The following CNTN5 variants were observed in gnomAD, a reference collection of about 807,000 sequenced individuals.
CNTN5 encodes contactin 5.
In CNTN5, 77 loss-of-function variants were observed where a neutral mutation model predicts 129.1. The ratio of observed to expected loss-of-function variants is 0.60; its 90% CI spans 0.50 to 0.72. CNTN5 has a LOEUF of 0.72. Among genes scored for constraint, CNTN5 ranks in the 30% least tolerant of loss-of-function variants. The pLI is 0.00. For synonymous variants in CNTN5, 509 were observed against 465.6 expected, an observed-to-expected ratio of 1.09 and a Z score of -1.20; for missense variants, 1,478 against 1,328.8, an observed-to-expected ratio of 1.11 and a Z score of -1.75.
At chr11:100,052,199 A>C (rs1242436849) in intron 9 of CNTN5, among the ~76,000 whole-genome samples, 1 of 151,932 alleles carries the variant, frequency 6.6e-6, no homozygotes, top group East Asian at 1.9e-4. Flanking sequence ...GAAACTGTCA[A>C]ATATGTAGGA....
At chr11:99,711,947 T>G (rs1320699742) in intron 3 of CNTN5, among the ~76,000 whole-genome samples, 1 of 152,084 alleles carries the variant, frequency 6.6e-6, no homozygotes. Context: ...AACATATGTG[T>G]GCATGTGTCT....
intron 13 of CNTN5, among the ~76,000 whole-genome samples, chr11:100,160,692 A>G (rs1265419954): frequency 6.6e-6 from 1 of 151,938 alleles, no homozygotes; most frequent in Non-Finnish European, 1.5e-5. Flanking sequence ...AAAGTCAACT[A>G]TACATTCATA....
At chr11:99,248,033 C>T (rs1253761160) in intron 1 of CNTN5, among the ~76,000 whole-genome samples, 1 of 152,192 alleles carries the variant, frequency 6.6e-6, no homozygotes. Flanking sequence ...TGAGGAATCG[C>T]CACACTGACT....
chr11:99,597,380 G>T (rs1950158675), intron 3 of CNTN5, among the ~76,000 whole-genome samples: 1 of 152,040 alleles, frequency 6.6e-6, no homozygotes, highest in African/African-American at 2.4e-5. Flanking sequence ...GTAGAATAGA[G>T]GTAGGAAAAT....
intron 1 of CNTN5, among the ~76,000 whole-genome samples, chr11:99,041,437 C>A (rs943061564): frequency 6.6e-6 from 1 of 152,206 alleles, no homozygotes; most frequent in African/African-American, 2.4e-5. Flanking sequence ...TCACACTTCA[C>A]TCATTTGTAT....
At chr11:99,069,906 T>C (rs1193379999) in intron 1 of CNTN5, among the ~76,000 whole-genome samples, 1 of 152,146 alleles carries the variant, frequency 6.6e-6, no homozygotes, top group East Asian at 1.9e-4. Flanking sequence ...CCCTCAGGCT[T>C]GTTTTCTGGC....
chr11:100,113,873 C>T (rs547122859), intron 13 of CNTN5, among the ~76,000 whole-genome samples: 2 of 152,010 alleles, frequency 1.3e-5, no homozygotes, highest in South Asian at 2.1e-4. Flanking sequence ...AACCTTTTAG[C>T]GTATGTCTCA....
chr11:100,309,143 G>C, intron 21 of CNTN5: 1 of 985,032 alleles, frequency 1.0e-6, no homozygotes, highest in Non-Finnish European at 1.2e-6. Context: ...GTCATGGAGA[G>C]GAATTAGGGG....
chr11:99,546,607 A>G (rs1267436487), intron 2 of CNTN5, among the ~76,000 whole-genome samples: 3 of 152,194 alleles, frequency 2.0e-5, no homozygotes, highest in Non-Finnish European at 4.4e-5. Flanking sequence ...ATTATATTGC[A>G]AAAAATATAT....
intron 4 of CNTN5, among the ~76,000 whole-genome samples, chr11:99,840,889 A>G (rs1947466911): frequency 6.6e-6 from 1 of 152,178 alleles, no homozygotes; most frequent in Non-Finnish European, 1.5e-5. Flanking sequence ...TGACCAGAAG[A>G]TAAAATTCAC....
intron 1 of CNTN5, among the ~76,000 whole-genome samples, chr11:99,228,532 A>G (rs193045649): frequency 6.6e-6 from 1 of 152,202 alleles, no homozygotes; most frequent in Admixed American, 6.5e-5. Flanking sequence ...GATGATAGAT[A>G]CCCTAAATAC....
chr11:99,319,509 T>A (rs952761148), intron 1 of CNTN5, among the ~76,000 whole-genome samples: 4 of 152,162 alleles, frequency 2.6e-5, no homozygotes, highest in Admixed American at 6.5e-5. Flanking sequence ...AATTGGCTAT[T>A]CACCAGTTTC....
At chr11:100,030,905 G>A (rs931690768) in intron 9 of CNTN5, among the ~76,000 whole-genome samples, 3 of 152,084 alleles carry the variant, frequency 2.0e-5, no homozygotes, top group African/African-American at 7.2e-5. Context: ...AGAGCTGGAA[G>A]ACCACATTTC....
intron 3 of CNTN5, among the ~76,000 whole-genome samples, chr11:99,767,240 A>T (rs1236544630): frequency 6.6e-6 from 1 of 152,094 alleles, no homozygotes; most frequent in Non-Finnish European, 1.5e-5. Flanking sequence ...GTTAAAAAAT[A>T]TTGATAAAAA....
chr11:100,191,725 T>C (rs1948500256), intron 14 of CNTN5, among the ~76,000 whole-genome samples: 1 of 152,026 alleles, frequency 6.6e-6, no homozygotes, highest in Non-Finnish European at 1.5e-5. Context: ...GAGCTGTTTG[T>C]TGATGTCTGT....
chr11:99,833,381 A>T (rs549585270), intron 4 of CNTN5, among the ~76,000 whole-genome samples: 1 of 152,286 alleles, frequency 6.6e-6, no homozygotes, highest in African/African-American at 2.4e-5. Context: ...TGAAAGTGAT[A>T]TGCATTCAGT....
chr11:99,686,141 A>G (rs942860037), intron 3 of CNTN5, among the ~76,000 whole-genome samples: 4 of 152,046 alleles, frequency 2.6e-5, no homozygotes, highest in South Asian at 2.1e-4. Flanking sequence ...TATTATGTAT[A>G]TATCTTTTAA....
chr11:99,738,832 G>A (rs72985872), intron 3 of CNTN5, among the ~76,000 whole-genome samples: 1 of 152,042 alleles, frequency 6.6e-6, no homozygotes, highest in African/African-American at 2.4e-5. Context: ...TAAATAATAA[G>A]GTGGCTTTTT....
intron 2 of CNTN5, among the ~76,000 whole-genome samples, chr11:99,424,343 G>T (rs1438688662): frequency 6.6e-6 from 1 of 152,174 alleles, no homozygotes; most frequent in Non-Finnish European, 1.5e-5. Context: ...GGATCTGGGG[G>T]TTGTCGCTTT....
Sources: allele counts gnomAD v4.1 joint callset (sites outside exome capture counted in the v4.1 genomes callset), GRCh38; gene constraint gnomAD v4.1.1; transcripts MANE v1.5; gene names NCBI Gene and HGNC (gene_info 2026-07-23, HGNC 2026-07-21).